The following FAM178B variants were observed in gnomAD, a reference collection of about 807,000 sequenced individuals.
The protein encoded by FAM178B is protein FAM178B.
A neutral mutation model predicts 91.7 loss-of-function variants in FAM178B; 82 were observed. That is an observed-to-expected ratio of 0.89 (90% CI 0.75 to 1.07). The LOEUF is 1.07. FAM178B is among the 50% of genes least tolerant of loss of function. The pLI is 0.00. For missense variants in FAM178B, 769 were observed against 846.7 expected (o/e 0.91, Z 1.14); for synonymous variants, 368 against 359.4 (o/e 1.02, Z -0.27).
At chr2:96,954,738 C>T (rs972209634) in intron 6 of FAM178B, among the ~76,000 whole-genome samples, 3 of 152,226 alleles carry the variant, frequency 2.0e-5, no homozygotes, top group African/African-American at 7.2e-5. Context: ...TGGCCTTTTG[C>T]TTTCTCTTTC....
At chr2:96,929,041 C>T (rs2081496556) in intron 9 of FAM178B, among the ~76,000 whole-genome samples, 165 bp downstream of exon 9, 1 of 152,114 alleles carries the variant, frequency 6.6e-6, no homozygotes, top group Non-Finnish European at 1.5e-5. Context: ...ACCTGTAGTC[C>T]CAGCTACTCA....
chr2:96,960,511 CA>C, intron 5 of FAM178B, 71 bp from the exon 6 acceptor site: 1 of 1,471,336 alleles, frequency 6.8e-7, no homozygotes, highest in South Asian at 1.4e-5. Context: ...GCCATTAGCC[CA>C]GGGAAGGATA....
intron 8 of FAM178B, among the ~76,000 whole-genome samples, chr2:96,944,455 A>G (rs1237351306): frequency 2.0e-5 from 3 of 152,322 alleles, no homozygotes; most frequent in East Asian, 1.9e-4. Context: ...AAGAGGGGAA[A>G]GTATGAGAAG....
intron 12 of FAM178B, among the ~76,000 whole-genome samples, chr2:96,906,484 T>C (rs2081058117): frequency 6.6e-6 from 1 of 152,112 alleles, no homozygotes; most frequent in Non-Finnish European, 1.5e-5. Context: ...ATGTGAACCA[T>C]CGTGGGGGTG....
intron 1 of FAM178B, among the ~76,000 whole-genome samples, chr2:96,976,244 C>A (rs1254700355): frequency 6.6e-6 from 1 of 151,790 alleles, no homozygotes; most frequent in African/African-American, 2.4e-5. Context: ...CAGGTGCGTG[C>A]CACCATGCCC....
intron 7 of FAM178B, among the ~76,000 whole-genome samples, chr2:96,950,630 C>T (rs933141001): frequency 5.3e-5 from 8 of 152,222 alleles, no homozygotes; most frequent in African/African-American, 1.7e-4. Flanking sequence ...AAGGCCAGGA[C>T]GGCATCCTTA....
intron 12 of FAM178B, among the ~76,000 whole-genome samples, chr2:96,907,160 G>A (rs889576540): frequency 5.9e-5 from 9 of 152,082 alleles, no homozygotes; most frequent in African/African-American, 1.9e-4. Flanking sequence ...TGCTGTCCCC[G>A]CCTGCCCACT....
At chr2:96,962,305 G>A (rs1188407970) in intron 5 of FAM178B, among the ~76,000 whole-genome samples, 3 of 151,504 alleles carry the variant, frequency 2.0e-5, no homozygotes, top group African/African-American at 7.3e-5. Context: ...CCATCTCAAA[G>A]GGAAGAAAAT....
chr2:96,945,643 C>CATT (rs2081815577), intron 8 of FAM178B, among the ~76,000 whole-genome samples: 1 of 152,186 alleles, frequency 6.6e-6, no homozygotes, highest in African/African-American at 2.4e-5. Flanking sequence ...GCTGTCCTCT[C>CATT]AGACACTCAG....
Position 96,977,245 on chromosome 2 carries a change from C to T in FAM178B, c.74-4639G>A, listed in dbSNP as rs373083503. Among the ~76,000 whole-genome samples the T allele has an allele frequency of 7.5e-4, 109 of 144,452 alleles. No homozygotes were observed. The East Asian group carries it at 0.014, about 18-fold the overall frequency. The allele number at this position is 144,452 out of a possible 152,430, so 94.8% of individuals were successfully genotyped here. ...AAAGAAAATACAAAAATTAGCCAGG[C>T]GTGGTGGCATGAGCCTGTAATCCCC... is the stretch of plus-strand genomic sequence containing the variant. On this transcript the variant is annotated intron_variant, in intron 1 of 16. Coordinates refer to ENST00000490605, the MANE Select transcript of FAM178B (RefSeq NM_001122646.3).
intron 12 of FAM178B, among the ~76,000 whole-genome samples, chr2:96,918,695 C>T (rs2081282391): frequency 6.6e-6 from 1 of 152,142 alleles, no homozygotes; most frequent in Non-Finnish European, 1.5e-5. Flanking sequence ...AGGACACCAC[C>T]CCTCATGTTA....
chr2:96,962,089 G>T (rs1333209715), intron 5 of FAM178B, among the ~76,000 whole-genome samples: 2 of 152,128 alleles, frequency 1.3e-5, no homozygotes, highest in African/African-American at 4.8e-5. Flanking sequence ...ATCACCTGAG[G>T]TCGGGAGTTC....
intron 14 of FAM178B, among the ~76,000 whole-genome samples, chr2:96,881,717 T>C (rs1419745077): frequency 1.6e-5 from 2 of 121,874 alleles, no homozygotes; most frequent in Non-Finnish European, 3.3e-5. Context: ...TTATGCTAAT[T>C]CCCATAATTG....
At chr2:96,944,611 A>AGACT (rs2081791609) in intron 8 of FAM178B, among the ~76,000 whole-genome samples, 1 of 152,218 alleles carries the variant, frequency 6.6e-6, no homozygotes, top group African/African-American at 2.4e-5. Flanking sequence ...CAGAGCCCTG[A>AGACT]GACTGCGCAT....
intron 13 of FAM178B, among the ~76,000 whole-genome samples, chr2:96,902,334 G>A (rs181346457): frequency 0.034 from 5,138 of 151,046 alleles, 111 homozygotes; most frequent in Middle Eastern, 0.11. Context: ...TTGATCTCCT[G>A]ACCTCATGAT....
At chr2:96,975,749 T>C (rs943064367) in intron 1 of FAM178B, among the ~76,000 whole-genome samples, 1 of 152,256 alleles carries the variant, frequency 6.6e-6, no homozygotes, top group Admixed American at 6.5e-5. Context: ...AAATGTACCA[T>C]AGAAAAACAT....
intron 1 of FAM178B, chr2:96,977,784 G>T (rs531735428): frequency 1.1e-5 from 5 of 455,868 alleles, no homozygotes; most frequent in Admixed American, 2.4e-5. Flanking sequence ...TCCTAACAAT[G>T]TAAGAGCCCA....
chr2:96,887,728 C>T (rs573687964), intron 14 of FAM178B, among the ~76,000 whole-genome samples: 4 of 152,278 alleles, frequency 2.6e-5, no homozygotes, highest in Admixed American at 6.5e-5. Context: ...TAACTCAGAA[C>T]GAGAAGAAGA....
Position 96,986,345 on chromosome 2 carries a change from G to A in FAM178B, c.-32C>T. The A allele has an allele frequency of 1.3e-6, 2 of 1,529,092 alleles. No individual in the cohort carries two copies. Among genetic ancestry groups the A allele is most frequent in the African/African-American group, 1.4e-5 (1 of 72,788 alleles). 94.7% of individuals were successfully genotyped at this position (1,529,092 alleles called of 1,614,324 possible). A position where few individuals can be genotyped will look rare whatever the true frequency, so the allele number is the denominator to read the frequency against. ...GGAAGGGCAGGGCTCCGGGGTGAGG[G>A]AGGGTGGCGGGAATTCGCACGGCCT... On this transcript the variant is annotated 5_prime_UTR_variant, in exon 1 of 17. Coordinates refer to ENST00000490605, the MANE Select transcript of FAM178B (RefSeq NM_001122646.3).
Sources: allele counts gnomAD v4.1 joint callset (sites outside exome capture counted in the v4.1 genomes callset), GRCh38; gene constraint gnomAD v4.1.1; transcripts MANE v1.5; gene names NCBI Gene and HGNC (gene_info 2026-07-23, HGNC 2026-07-21).